The following LIPA variants were observed in gnomAD, a reference collection of about 807,000 sequenced individuals.
LIPA encodes lysosomal acid lipase/cholesteryl ester hydrolase.
Under a neutral mutation model 40.6 loss-of-function variants are expected in LIPA, and 26 were observed. The observed-to-expected ratio is 0.64, with a 90% confidence interval of 0.47 to 0.89. The LOEUF is 0.89. LIPA is among the 40% of genes least tolerant of loss of function. The probability of loss-of-function intolerance (pLI) is 0.00; values close to 1 mark genes in which losing one functional copy is unlikely to be tolerated. For missense variants in LIPA, 455 were observed against 479.6 expected (o/e 0.95, Z 0.48); for synonymous variants, 188 against 168.4 (o/e 1.12, Z -0.90).
intron 1 of LIPA, among the ~76,000 whole-genome samples, chr10:89,327,687 AG>A: frequency 6.6e-6 from 1 of 152,352 alleles, no homozygotes; most frequent in East Asian, 1.9e-4. Flanking sequence ...CTTGGCCAAA[AG>A]CAGGGGTCCA....
At chr10:89,367,939 C>T (rs1490990333) in intron 2 of LIPA, among the ~76,000 whole-genome samples, 3 of 152,164 alleles carry the variant, frequency 2.0e-5, no homozygotes, top group Non-Finnish European at 4.4e-5. Flanking sequence ...CCACCCCAGC[C>T]TTCCAATTAG....
intron 1 of LIPA, among the ~76,000 whole-genome samples, chr10:89,294,668 G>T (rs1554873542): frequency 1.3e-5 from 2 of 152,038 alleles, no homozygotes; most frequent in Non-Finnish European, 1.5e-5. Flanking sequence ...ATTAATTTTT[G>T]AAAAAAGAAT....
intron 2 of LIPA, among the ~76,000 whole-genome samples, chr10:89,391,875 GTTACCACTTATTTGCATGCTTC>G (rs1378202773): frequency 2.0e-5 from 3 of 152,100 alleles, no homozygotes; most frequent in Non-Finnish European, 4.4e-5. Context: ...AATAATAATA[GTTACCACTTATTTGCATGCTTC>G]TATGTGCCAG....
At chr10:89,413,892 C>T (rs1330292734) in intron 1 of LIPA, among the ~76,000 whole-genome samples, 1 of 151,934 alleles carries the variant, frequency 6.6e-6, no homozygotes, top group Non-Finnish European at 1.5e-5. Context: ...GTTATATTGA[C>T]AGTACTTTGA....
chr10:89,306,743 C>G lies in LIPA; in HGVS notation c.-2+35868G>C, dbSNP rs1464078585. ...CAAGTTTTATCGAAGAAAAGATGAGCCAGACAAAGCGATTGAACTGCTTAA... is the reference window on the plus strand; with the variant it reads ...CAAGTTTTATCGAAGAAAAGATGAGGCAGACAAAGCGATTGAACTGCTTAA... On this transcript the variant is annotated intron_variant, in intron 1 of 5. Coordinates refer to the LIPA transcript ENST00000282673. 6.2e-6 allele frequency: 10 copies of G among 1,613,920 alleles called. No individual in the cohort carries two copies. In the East Asian group the frequency reaches 2.2e-4, roughly 36 times the overall value.
intron 1 of LIPA, among the ~76,000 whole-genome samples, chr10:89,251,356 G>A (rs1317520088): frequency 1.3e-5 from 2 of 152,218 alleles, no homozygotes; most frequent in African/African-American, 2.4e-5. Flanking sequence ...GGTAGGATGG[G>A]ATGCCTGGAG....
At chr10:89,321,653 C>A (rs1435299492) in intron 1 of LIPA, among the ~76,000 whole-genome samples, 1 of 152,192 alleles carries the variant, frequency 6.6e-6, no homozygotes, top group Non-Finnish European at 1.5e-5. Context: ...TTGTGGAAGA[C>A]AGTGTGGCGA....
At chr10:89,365,183 G>T (rs889967139) in intron 2 of LIPA, among the ~76,000 whole-genome samples, 2 of 152,130 alleles carry the variant, frequency 1.3e-5, no homozygotes, top group Admixed American at 1.3e-4. Flanking sequence ...CAGTGCATGG[G>T]GTTTCCAAGG....
At chr10:89,332,501 TAAA>T in intron 1 of LIPA, 1 of 1,581,732 alleles carries the variant, frequency 6.3e-7, no homozygotes, top group Non-Finnish European at 8.6e-7. Context: ...TCCCCTTTCA[TAAA>T]AGCACAGACC....
intron 2 of LIPA, among the ~76,000 whole-genome samples, chr10:89,369,249 C>T (rs1429167501): frequency 2.0e-5 from 3 of 152,108 alleles, no homozygotes; most frequent in Admixed American, 6.6e-5. Flanking sequence ...TTTCTGGGGC[C>T]CCAGAATGTC....
At chr10:89,281,482 T>C (rs1036477075) in intron 1 of LIPA, among the ~76,000 whole-genome samples, 1 of 152,204 alleles carries the variant, frequency 6.6e-6, no homozygotes, top group African/African-American at 2.4e-5. Flanking sequence ...TCTCTTGACA[T>C]TTTAACAGGT....
chr10:89,239,481 G>C (rs1201413585), intron 3 of LIPA, among the ~76,000 whole-genome samples: 1 of 152,226 alleles, frequency 6.6e-6, no homozygotes. Context: ...ATGCATTCAG[G>C]AGTCATGTGG....
At chr10:89,321,027 G>C (rs1165007680) in intron 1 of LIPA, among the ~76,000 whole-genome samples, 1 of 151,950 alleles carries the variant, frequency 6.6e-6, no homozygotes, top group Non-Finnish European at 1.5e-5. Flanking sequence ...GTAGAAAGCT[G>C]AAACTGGATC....
chr10:89,392,801 T>A, intron 2 of LIPA: 1 of 1,392,794 alleles, frequency 7.2e-7, no homozygotes, highest in Non-Finnish European at 1.0e-6. Flanking sequence ...AGGTTAGATC[T>A]CAGTGAGGTC....
At chr10:89,312,219 T>A (rs1314224418) in intron 1 of LIPA, among the ~76,000 whole-genome samples, 2 of 152,140 alleles carry the variant, frequency 1.3e-5, no homozygotes, top group Non-Finnish European at 2.9e-5. Context: ...GGTGAGCGGA[T>A]TGTTTGAGCC....
chr10:89,390,765 A>G (rs1007688868), intron 2 of LIPA, among the ~76,000 whole-genome samples: 3 of 152,228 alleles, frequency 2.0e-5, no homozygotes, highest in African/African-American at 7.2e-5. Context: ...ACTGCTGCCA[A>G]ATTCACAGCA....
chr10:89,264,321 A>C (rs1843224511), intron 1 of LIPA, among the ~76,000 whole-genome samples: 1 of 152,206 alleles, frequency 6.6e-6, no homozygotes, highest in African/African-American at 2.4e-5. Flanking sequence ...GCAACAGTAC[A>C]GCTCTCAGGA....
At chr10:89,369,107 G>GCC (rs1158230823) in intron 2 of LIPA, among the ~76,000 whole-genome samples, 4 of 152,224 alleles carry the variant, frequency 2.6e-5, no homozygotes, top group African/African-American at 9.6e-5. Context: ...CTTCTCCACA[G>GCC]TCTACGGCAA....
chr10:89,304,260 C>G (rs544789551), intron 1 of LIPA, among the ~76,000 whole-genome samples: 1 of 149,836 alleles, frequency 6.7e-6, no homozygotes, highest in Non-Finnish European at 1.5e-5. Context: ...TGTAACTAAC[C>G]CCAGGTGCGG....
Sources: allele counts gnomAD v4.1 joint callset (sites outside exome capture counted in the v4.1 genomes callset), GRCh38; gene constraint gnomAD v4.1.1; transcripts MANE v1.5; gene names NCBI Gene and HGNC (gene_info 2026-07-23, HGNC 2026-07-21).